Variants in ANGPT1 observed in about 807,000 individuals in gnomAD.
The protein encoded by ANGPT1 is angiopoietin-1.
ANGPT1 carries 17 observed loss-of-function variants against 62.2 expected under a neutral mutation model. The observed-to-expected ratio is 0.27, with a 90% confidence interval of 0.19 to 0.41. The LOEUF is 0.41. Among genes scored for constraint, ANGPT1 ranks in the 10% least tolerant of loss-of-function variants. ANGPT1 has a pLI of 1.00. For synonymous variants in ANGPT1, 199 were observed against 198.9 expected, an observed-to-expected ratio of 1.00 and a Z score of 0.00; for missense variants, 478 against 594.9, an observed-to-expected ratio of 0.80 and a Z score of 2.04.
chr8:107,492,226 C>T (rs1812977693), intron 1 of ANGPT1, among the ~76,000 whole-genome samples: 1 of 152,192 alleles, frequency 6.6e-6, no homozygotes, highest in South Asian at 2.1e-4. Context: ...ATCATTATTT[C>T]TATTAATCTT....
rs148800533 is a variant in ANGPT1, at chr8:107,326,356, C to T, written c.576-4228G>A. Among the ~76,000 whole-genome samples the T allele has an allele frequency of 2.3e-3, 354 of 152,206 alleles. 2 individuals are homozygous for T. Among genetic ancestry groups the T allele is most frequent in the Non-Finnish European group, 3.8e-3 (261 of 67,978 alleles). ...TCTCATCACATTTCTTCACTTGGAG[C>T]GCCCTTAATAACATTTGTACTTCAG... On this transcript the variant is annotated intron_variant, in intron 3 of 8. Coordinates refer to ENST00000517746, the MANE Select transcript of ANGPT1 (RefSeq NM_001146.5).
chr8:107,449,835 T>A (rs751740079), intron 1 of ANGPT1, among the ~76,000 whole-genome samples: 6 of 152,136 alleles, frequency 3.9e-5, no homozygotes, highest in African/African-American at 7.2e-5. Flanking sequence ...TCTTTGCATA[T>A]TCGTCCTGTA....
intron 1 of ANGPT1, among the ~76,000 whole-genome samples, chr8:107,374,096 T>C (rs1345192877): frequency 2.0e-5 from 3 of 152,190 alleles, no homozygotes; most frequent in South Asian, 2.1e-4. Flanking sequence ...GTTTCTTTTT[T>C]ATATATGCTG....
chr8:107,449,557 A>G (rs1811710998), intron 1 of ANGPT1, among the ~76,000 whole-genome samples: 1 of 152,076 alleles, frequency 6.6e-6, no homozygotes, highest in Non-Finnish European at 1.5e-5. Context: ...TGGGTACTTA[A>G]GCAAAATTGC....
chr8:107,463,999 C>T (rs1812136838), intron 1 of ANGPT1, among the ~76,000 whole-genome samples: 2 of 152,250 alleles, frequency 1.3e-5, no homozygotes, highest in East Asian at 3.9e-4. Context: ...GATTCTGGGA[C>T]TTAACATTTG....
chr8:107,310,541 A>T (rs1232984700), intron 4 of ANGPT1, among the ~76,000 whole-genome samples: 6 of 152,110 alleles, frequency 3.9e-5, no homozygotes, highest in Non-Finnish European at 8.8e-5. Context: ...GCCTCATCTC[A>T]TGGAAGCAGG....
intron 1 of ANGPT1, among the ~76,000 whole-genome samples, chr8:107,471,601 T>C (rs1289269682): frequency 2.0e-5 from 3 of 152,064 alleles, no homozygotes; most frequent in African/African-American, 4.8e-5. Context: ...CTGTCACCCA[T>C]AAACATTAGA....
At chr8:107,340,660 A>AT (rs34730744) in intron 2 of ANGPT1, among the ~76,000 whole-genome samples, 63,819 of 142,638 alleles carry the variant, frequency 0.45, 14,111 homozygotes, top group East Asian at 0.49. Flanking sequence ...AATTGTTTGT[A>AT]TTTTTTTTTT....
intron 8 of ANGPT1, among the ~76,000 whole-genome samples, chr8:107,262,358 T>A (rs569309144): frequency 8.1e-4 from 124 of 152,364 alleles, no homozygotes; most frequent in Non-Finnish European, 1.5e-3. Context: ...TGCTCATTCA[T>A]GTACACTACT....
chr8:107,343,714 A>G (rs1815744342), intron 2 of ANGPT1, among the ~76,000 whole-genome samples: 1 of 152,202 alleles, frequency 6.6e-6, no homozygotes, highest in South Asian at 2.1e-4. Context: ...ATGAAGGTAA[A>G]GACTGCTTTA....
chr8:107,352,963 TA>T lies in ANGPT1; in HGVS notation c.298-5867del, dbSNP rs537651285. 7.0e-3 allele frequency among the ~76,000 whole-genome samples: 1,063 copies of T among 152,210 alleles called. 13 individuals are homozygous for T. Among genetic ancestry groups the T allele is most frequent in the African/African-American group, 0.024 (1,001 of 41,554 alleles). ...GCAACTATATCTAGGTTTATGGCCT[TA>T]TTAAAAAAAAAGACAGCTGAAGCCA... is the stretch of plus-strand genomic sequence containing the variant. On this transcript the variant is annotated intron_variant, in intron 1 of 8. Transcript: ENST00000517746.
chr8:107,309,584 G>A (rs1235914917), intron 4 of ANGPT1, among the ~76,000 whole-genome samples: 1 of 152,130 alleles, frequency 6.6e-6, no homozygotes, highest in African/African-American at 2.4e-5. Flanking sequence ...TTTCCAGGCA[G>A]TCCAAGTTTC....
intron 1 of ANGPT1, among the ~76,000 whole-genome samples, chr8:107,474,918 C>T (rs1443272494): frequency 6.6e-6 from 1 of 152,126 alleles, no homozygotes; most frequent in Non-Finnish European, 1.5e-5. Flanking sequence ...CAACCCACTG[C>T]TCAATGAAAT....
chr8:107,377,277 T>C (rs1437003598), intron 1 of ANGPT1, among the ~76,000 whole-genome samples: 1 of 152,226 alleles, frequency 6.6e-6, no homozygotes, highest in East Asian at 1.9e-4. Context: ...AACTATATAA[T>C]AAACATACTG....
At chr8:107,342,048 C>T (rs1815706920) in intron 2 of ANGPT1, among the ~76,000 whole-genome samples, 1 of 152,130 alleles carries the variant, frequency 6.6e-6, no homozygotes, top group African/African-American at 2.4e-5. Context: ...TCTTATGCTT[C>T]TCAGAGTACG....
chr8:107,297,422 C>T (rs750386292), intron 5 of ANGPT1, among the ~76,000 whole-genome samples: 1 of 151,838 alleles, frequency 6.6e-6, no homozygotes, highest in African/African-American at 2.4e-5. Flanking sequence ...ATTTTTAGAA[C>T]AGCATTTGGC....
At chr8:107,313,637 A>T (rs1241397209) in intron 4 of ANGPT1, among the ~76,000 whole-genome samples, 1 of 150,032 alleles carries the variant, frequency 6.7e-6, no homozygotes, top group African/African-American at 2.5e-5. Context: ...TAGAGATGGG[A>T]TTTCACTGTG....
intron 1 of ANGPT1, among the ~76,000 whole-genome samples, chr8:107,399,133 A>G (rs2130325216): frequency 6.6e-6 from 1 of 152,278 alleles, no homozygotes; most frequent in South Asian, 2.1e-4. Flanking sequence ...ACTAGGGGTC[A>G]ATATTTGCAC....
chr8:107,307,753 C>T (rs1160886459), intron 4 of ANGPT1, among the ~76,000 whole-genome samples: 1 of 152,146 alleles, frequency 6.6e-6, no homozygotes, highest in Non-Finnish European at 1.5e-5. Flanking sequence ...TCTATCATGG[C>T]TTCCAACTGC....
Sources: gnomAD v4.1 joint callset for allele counts (sites outside exome capture counted in the v4.1 genomes callset) on GRCh38, gnomAD v4.1.1 for gene constraint, MANE v1.5 for transcripts, NCBI Gene and HGNC (gene_info 2026-07-23, HGNC 2026-07-21) for gene names.